ABCC4: variants seen among roughly 807,000 people sequenced by gnomAD.
ABCC4 encodes ATP-binding cassette sub-family C member 4.
Under a neutral mutation model 168.5 loss-of-function variants are expected in ABCC4, and 102 were observed. That is an observed-to-expected ratio of 0.61 (90% CI 0.52 to 0.71). The LOEUF (loss-of-function observed/expected upper bound fraction) is 0.71. Among genes scored for constraint, ABCC4 ranks in the 30% least tolerant of loss-of-function variants. The probability of loss-of-function intolerance (pLI) is 0.00; values close to 1 mark genes in which losing one functional copy is unlikely to be tolerated. For missense variants in ABCC4, 1,402 were observed against 1,605.8 expected (o/e 0.87, Z 2.17); for synonymous variants, 617 against 590.7 (o/e 1.04, Z -0.65).
intron 22 of ABCC4, among the ~76,000 whole-genome samples, chr13:95,074,761 G>A (rs2033842257): frequency 6.6e-6 from 1 of 152,110 alleles, no homozygotes; most frequent in Admixed American, 6.6e-5. Flanking sequence ...CTATTGCTTA[G>A]GGGCTATATA....
intron 9 of ABCC4, among the ~76,000 whole-genome samples, chr13:95,191,323 T>A (rs559680367): frequency 6.6e-6 from 1 of 152,308 alleles, no homozygotes; most frequent in Non-Finnish European, 1.5e-5. Flanking sequence ...TGACCCCTTA[T>A]GTGTCCCATA....
At chr13:95,231,731 G>A (rs1366472576) in intron 4 of ABCC4, among the ~76,000 whole-genome samples, 1 of 152,164 alleles carries the variant, frequency 6.6e-6, no homozygotes, top group Non-Finnish European at 1.5e-5. Context: ...TTCATAAAGA[G>A]ACAATACTTC....
intron 1 of ABCC4, among the ~76,000 whole-genome samples, chr13:95,294,542 C>T (rs2041478759): frequency 6.6e-6 from 1 of 152,188 alleles, no homozygotes; most frequent in South Asian, 2.1e-4. Flanking sequence ...GCTGGAGAGG[C>T]GTTGCATGGG....
intron 4 of ABCC4, among the ~76,000 whole-genome samples, chr13:95,226,676 C>T (rs555070597): frequency 1.3e-5 from 2 of 152,280 alleles, no homozygotes; most frequent in Admixed American, 1.3e-4. Context: ...TCTACCCTTG[C>T]CAATCTGCCA....
At chr13:95,250,092 A>T (rs1235295111) in intron 1 of ABCC4, among the ~76,000 whole-genome samples, 1 of 152,204 alleles carries the variant, frequency 6.6e-6, no homozygotes, top group Non-Finnish European at 1.5e-5. Context: ...CTGATGACAA[A>T]AGTCAACTTT....
At chr13:95,087,698 C>T (rs141211819) in intron 20 of ABCC4, among the ~76,000 whole-genome samples, 45 of 152,322 alleles carry the variant, frequency 3.0e-4, no homozygotes, top group African/African-American at 1.0e-3. Flanking sequence ...ATATGGAAGA[C>T]ACTTAAATGT....
chr13:95,210,578 G>T, intron 5 of ABCC4, 114 bp downstream of exon 5: 1 of 846,442 alleles, frequency 1.2e-6, no homozygotes, highest in Non-Finnish European at 1.9e-6. Context: ...AGCGAGCTAT[G>T]ATCCTGCCAC....
intron 1 of ABCC4, among the ~76,000 whole-genome samples, chr13:95,248,410 T>C (rs1478317315): frequency 1.3e-5 from 2 of 152,154 alleles, no homozygotes; most frequent in Non-Finnish European, 2.9e-5. Flanking sequence ...TCCAAAATTA[T>C]CTAGGTACAA....
At chr13:95,175,835 C>G (rs1369710833) in intron 13 of ABCC4, among the ~76,000 whole-genome samples, 1 of 152,166 alleles carries the variant, frequency 6.6e-6, no homozygotes, top group Non-Finnish European at 1.5e-5. Flanking sequence ...CAGAAACAAC[C>G]TGCCGCTGTG....
intron 1 of ABCC4, among the ~76,000 whole-genome samples, chr13:95,290,800 A>G (rs985129139): frequency 2.0e-5 from 3 of 150,072 alleles, no homozygotes; most frequent in Admixed American, 1.3e-4. Flanking sequence ...AAAGAGCAAA[A>G]CTCCATCTCA....
At chr13:95,209,743 G>T (rs2389203) in intron 5 of ABCC4, 146 bp from the exon 6 acceptor site, 580,134 of 731,732 alleles carry the variant, frequency 0.79, 231,891 homozygotes, top group Non-Finnish European at 0.83. Context: ...AAAGCAGAAA[G>T]CCAAGCACCC....
chr13:95,189,989 T>C (rs1211415981), intron 9 of ABCC4, among the ~76,000 whole-genome samples: 1 of 152,122 alleles, frequency 6.6e-6, no homozygotes, highest in Non-Finnish European at 1.5e-5. Context: ...AGTATATGCA[T>C]GTTTTTACAT....
intron 13 of ABCC4, among the ~76,000 whole-genome samples, chr13:95,177,390 C>G (rs2037740636): frequency 6.6e-6 from 1 of 152,146 alleles, no homozygotes; most frequent in Non-Finnish European, 1.5e-5. Flanking sequence ...GGGCCTGGTC[C>G]ATCAGCAGTT....
At chr13:95,138,140 G>A (rs868451695) in intron 19 of ABCC4, among the ~76,000 whole-genome samples, 2 of 152,044 alleles carry the variant, frequency 1.3e-5, no homozygotes, top group African/African-American at 4.8e-5. Flanking sequence ...ACACAAGCAC[G>A]TTACACTTTA....
chr13:95,043,884 A>C (rs2032466939), intron 28 of ABCC4, 97 bp from the exon 29 acceptor site: 1 of 753,114 alleles, frequency 1.3e-6, no homozygotes, highest in Non-Finnish European at 2.2e-6. Context: ...TAAAAAAAAA[A>C]GATCATATCT....
chr13:95,293,906 A>C (rs1372883200), intron 1 of ABCC4, among the ~76,000 whole-genome samples: 1 of 151,856 alleles, frequency 6.6e-6, no homozygotes, highest in African/African-American at 2.4e-5. Flanking sequence ...CGGTCTCCCA[A>C]GTAGCTGGGA....
At chr13:95,085,705 A>G (rs1247305115) in intron 20 of ABCC4, among the ~76,000 whole-genome samples, 1 of 152,014 alleles carries the variant, frequency 6.6e-6, no homozygotes, top group African/African-American at 2.4e-5. Context: ...GCCACCCACA[A>G]TTTTCTGTAC....
At chr13:95,236,590 G>A (rs1047515581) in intron 3 of ABCC4, among the ~76,000 whole-genome samples, 87 of 26,360 alleles carry the variant, frequency 3.3e-3, no homozygotes, top group African/African-American at 8.8e-3. Flanking sequence ...GCATGTGAAC[G>A]CGCGCGTGCG....
At chr13:95,111,359 T>G (rs533268809) in intron 20 of ABCC4, among the ~76,000 whole-genome samples, 5 of 152,356 alleles carry the variant, frequency 3.3e-5, no homozygotes, top group Non-Finnish European at 7.3e-5. Flanking sequence ...ATTATCTGAT[T>G]AGCCCATGGC....
Sources: allele counts gnomAD v4.1 joint callset (sites outside exome capture counted in the v4.1 genomes callset), GRCh38; gene constraint gnomAD v4.1.1; transcripts MANE v1.5; gene names NCBI Gene and HGNC (gene_info 2026-07-23, HGNC 2026-07-21).